The following DENND2C variants were observed in gnomAD, a reference collection of about 807,000 sequenced individuals.
DENND2C encodes the protein DENN domain containing 2C, also known as DENN domain-containing protein 2C.
A neutral mutation model predicts 112.4 loss-of-function variants in DENND2C; 72 were observed. That is an observed-to-expected ratio of 0.64 (90% CI 0.53 to 0.78). DENND2C has a LOEUF of 0.78. DENND2C is among the 30% of genes least tolerant of loss of function. The probability of loss-of-function intolerance (pLI) is 0.00; values close to 1 mark genes in which losing one functional copy is unlikely to be tolerated. For synonymous variants in DENND2C, 329 were observed against 381.6 expected, an observed-to-expected ratio of 0.86 and a Z score of 1.61; for missense variants, 992 against 1,113.8, an observed-to-expected ratio of 0.89 and a Z score of 1.56.
At chr1:114,644,192 A>T (rs1269837071) in intron 3 of DENND2C, among the ~76,000 whole-genome samples, 1 of 152,148 alleles carries the variant, frequency 6.6e-6, no homozygotes, top group Non-Finnish European at 1.5e-5. Context: ...ATTTCTAGTC[A>T]ATTTTCACCT....
At chr1:114,601,144 C>A (rs1025569374) in intron 13 of DENND2C, among the ~76,000 whole-genome samples, 184 bp from the exon 14 acceptor site, 19 of 152,076 alleles carry the variant, frequency 1.2e-4, no homozygotes, top group Non-Finnish European at 2.4e-4. Flanking sequence ...TATCATTATA[C>A]CCTGAAGAAA....
At chr1:114,649,146 G>A (rs12122655) in intron 2 of DENND2C, among the ~76,000 whole-genome samples, 2 of 151,540 alleles carry the variant, frequency 1.3e-5, no homozygotes, top group Non-Finnish European at 2.9e-5. Context: ...GTAGAGACAG[G>A]GTTTCAGCAT....
intron 2 of DENND2C, among the ~76,000 whole-genome samples, chr1:114,651,706 T>C (rs1657170555): frequency 6.6e-6 from 1 of 152,106 alleles, no homozygotes; most frequent in African/African-American, 2.4e-5. Context: ...CACTGCACTC[T>C]AGCCTGGGTG....
intron 3 of DENND2C, among the ~76,000 whole-genome samples, chr1:114,631,267 T>G (rs1656480481): frequency 6.6e-6 from 1 of 151,850 alleles, no homozygotes; most frequent in Non-Finnish European, 1.5e-5. Context: ...TCCCAGCTAC[T>G]GGGGTGGCTG....
At chr1:114,591,676 T>C (rs1655194720) in intron 18 of DENND2C, among the ~76,000 whole-genome samples, 1 of 152,054 alleles carries the variant, frequency 6.6e-6, no homozygotes, top group Non-Finnish European at 1.5e-5. Flanking sequence ...TGTGCCGTAT[T>C]TTTAAGAACC....
chr1:114,636,580 G>T (rs1341597751), intron 3 of DENND2C, among the ~76,000 whole-genome samples: 1 of 152,084 alleles, frequency 6.6e-6, no homozygotes, highest in Non-Finnish European at 1.5e-5. Flanking sequence ...TGGGAATGGG[G>T]GGAGGACTGC....
rs1195792375 is a variant in DENND2C at position 114,585,648 on chromosome 1, G to A, written c.2756-17C>T. 1 of 1,611,778 alleles carries A rather than the reference G, an allele frequency of 6.2e-7. No homozygotes were observed. Among genetic ancestry groups the A allele is most frequent in the Non-Finnish European group, 8.5e-7 (1 of 1,178,046 alleles). ...TTTTGCTTCCTAAAGGGAAAGAAAA[G>A]TACAGTGAATGCTCAATTCATTTTT... On this transcript the variant is annotated splice_polypyrimidine_tract_variant and intron_variant, in intron 20 of 20. Transcript: ENST00000393274.
chr1:114,666,618 T>C lies in DENND2C; in HGVS notation c.-574+3365A>G, dbSNP rs189952719. On this transcript the variant is annotated intron_variant, in intron 1 of 20. Coordinates refer to ENST00000393274, the MANE Select transcript of DENND2C (RefSeq NM_001256404.2). ...TTACAGGCACACGCCACCACACCCG[T>C]ATAATTTTTGTATTTTAGTAGAGAT... is the stretch of plus-strand genomic sequence containing the variant. Among the ~76,000 whole-genome samples the C allele has an allele frequency of 2.1e-3, 321 of 152,042 alleles. 2 individuals carry two copies. Among genetic ancestry groups the C allele is most frequent in the African/African-American group, 7.2e-3 (297 of 41,498 alleles).
At chr1:114,588,659 T>C (rs1467492543) in intron 18 of DENND2C, 1 of 152,224 alleles carries the variant, frequency 6.6e-6, no homozygotes, top group Non-Finnish European at 1.5e-5. Flanking sequence ...ACTTGGACTA[T>C]GAATCAATTA....
chr1:114,610,954 A>T, intron 9 of DENND2C, 119 bp downstream of exon 9: 5 of 1,141,694 alleles, frequency 4.4e-6, no homozygotes, highest in Non-Finnish European at 5.1e-6. Flanking sequence ...AAAATAAGGA[A>T]ATCATCTACA....
At chr1:114,623,682 A>C (rs1656251378) in intron 4 of DENND2C, 39 bp from the exon 5 acceptor site, 1 of 1,417,792 alleles carries the variant, frequency 7.1e-7, no homozygotes, top group Non-Finnish European at 9.4e-7. Context: ...ATATCTTTCA[A>C]AACTCTAATC....
chr1:114,657,188 A>G (rs1657357679), intron 1 of DENND2C, among the ~76,000 whole-genome samples: 1 of 152,170 alleles, frequency 6.6e-6, no homozygotes, highest in Non-Finnish European at 1.5e-5. Flanking sequence ...TTTTAATTTT[A>G]GCCATTCTGG....
At position 114,587,767 on chromosome 1, in the gene DENND2C, T is replaced by C; in HGVS notation, c.2617A>G (p.Met873Val). Residue 873 changes from methionine to valine, a missense_variant, in exon 19 of 21, where the codon ATG (methionine) becomes GTG (valine). Around this residue, in one of 3 missense-constraint regions of DENND2C, gnomAD observed 516 missense variants for 623.6 expected, o/e 0.83. Transcript: ENST00000393274. ...CGGTCCTGGATGAATCCTGCAAACA[T>C]CTGAGTTTCCATGAAGAGATCCAGG... The part of the protein sequence containing the change: ...HFLDLFMETQ[M>V]FAGFIQDREL... 6.2e-7 allele frequency: 1 copy of C among 1,614,118 alleles called. No homozygotes were observed. Among genetic ancestry groups the C allele is most frequent in the Non-Finnish European group, 8.5e-7 (1 of 1,180,012 alleles).
chr1:114,668,981 A>C (rs1169366570), intron 1 of DENND2C, among the ~76,000 whole-genome samples: 1 of 152,228 alleles, frequency 6.6e-6, no homozygotes, highest in African/African-American at 2.4e-5. Context: ...TGTATAGATA[A>C]CACCACTGTG....
At chr1:114,651,486 C>G (rs901892414) in intron 2 of DENND2C, among the ~76,000 whole-genome samples, 11 of 151,960 alleles carry the variant, frequency 7.2e-5, no homozygotes, top group African/African-American at 2.7e-4. Flanking sequence ...TGCCTGTAAT[C>G]CCAGCACTTT....
rs567864691 is a variant in DENND2C, at chr1:114,660,839, G to A, written c.-573-6078C>T. Among the ~76,000 whole-genome samples, 507 of 152,048 alleles carry A rather than the reference G, an allele frequency of 3.3e-3. 3 individuals are homozygous for A. Among genetic ancestry groups the A allele is most frequent in the African/African-American group, 0.011 (471 of 41,456 alleles). On this transcript the variant is annotated intron_variant, in intron 1 of 20. Transcript: ENST00000393274. ...AAACAACAAGAAAATCCTGCCGGGC[G>A]TGGTGTCTCATGCCTGTAATCCCTG... is the stretch of plus-strand genomic sequence containing the variant.
intron 1 of DENND2C, among the ~76,000 whole-genome samples, chr1:114,656,741 T>C (rs1657340528): frequency 6.6e-6 from 1 of 150,692 alleles, no homozygotes; most frequent in Admixed American, 6.7e-5. Context: ...CACACTTCTT[T>C]TGGGTATTAT....
intron 4 of DENND2C, 138 bp downstream of exon 4, chr1:114,625,041 A>T: frequency 1.3e-6 from 1 of 790,786 alleles, no homozygotes; most frequent in Non-Finnish European, 1.9e-6. Context: ...TTCCTTCCAC[A>T]TTAATCAACA....
At position 114,625,953 on chromosome 1, in the gene DENND2C, T is replaced by G. The variant is rs1425623248; in HGVS notation, c.32A>C (p.Gln11Pro). The change falls in exon 4 of 21, where the codon CAG becomes CCG. Residue 11 changes from glutamine to proline, a missense_variant. Around this residue, in one of 3 missense-constraint regions of DENND2C, gnomAD observed 470 missense variants for 472.7 expected, o/e 0.99. Coordinates refer to ENST00000393274, the MANE Select transcript of DENND2C (RefSeq NM_001256404.2). Reference sequence around the variant, plus strand: ...TTTGCAGTGGCTTCTTGACAGTGTCTGAACAGTAGTACGAGAAAAACCAAC... The same window carrying G: ...TTTGCAGTGGCTTCTTGACAGTGTCGGAACAGTAGTACGAGAAAAACCAAC... Reference protein sequence around the residue: MDVGFSRTTVQTLSRSHCKNI... With the variant: MDVGFSRTTVPTLSRSHCKNI... 16 of 1,612,966 alleles carry G rather than the reference T, an allele frequency of 9.9e-6. No homozygotes were observed. The highest frequency in any genetic ancestry group is 1.3e-5 in the Non-Finnish European group (15 of 1,179,440).
Sources: gnomAD v4.1 joint callset for allele counts (sites outside exome capture counted in the v4.1 genomes callset) on GRCh38, gnomAD v4.1.1 for gene constraint, gnomAD v4.1.1 regional missense constraint, MANE v1.5 for transcripts, NCBI Gene and HGNC (gene_info 2026-07-23, HGNC 2026-07-21) for gene names.